The following TPGS2 variants were observed in gnomAD, a reference collection of about 807,000 sequenced individuals.
TPGS2 encodes the protein polyglutamylase subunit 2.
In TPGS2, 26 loss-of-function variants were observed where a neutral mutation model predicts 31.1. The ratio of observed to expected loss-of-function variants is 0.84; its 90% CI spans 0.61 to 1.16. The LOEUF is 1.16. Ranked by LOEUF, TPGS2 falls within the 50% of genes most tolerant of loss-of-function variation. TPGS2 has a pLI of 0.00. For missense variants in TPGS2, 351 were observed against 363.8 expected, an observed-to-expected ratio of 0.96 and a Z score of 0.29; for synonymous variants, 130 against 136.6, an observed-to-expected ratio of 0.95 and a Z score of 0.34.
intron 2 of TPGS2, among the ~76,000 whole-genome samples, chr18:36,817,404 T>C: frequency 6.6e-6 from 1 of 152,064 alleles, no homozygotes; most frequent in East Asian, 1.9e-4. Context: ...TTGGTAGCTA[T>C]GTGACTCAGA....
chr18:36,825,011 T>G (rs2046067506), intron 1 of TPGS2, among the ~76,000 whole-genome samples: 1 of 152,200 alleles, frequency 6.6e-6, no homozygotes, highest in Non-Finnish European at 1.5e-5. Flanking sequence ...CTAAGATACT[T>G]TTGGAGTTAA....
chr18:36,823,707 G>A (rs372884971), intron 1 of TPGS2: 37 of 343,216 alleles, frequency 1.1e-4, no homozygotes, highest in Admixed American at 1.3e-4. Flanking sequence ...TGATCTGCCC[G>A]CCTCGGCCTC....
chr18:36,795,874 A>G lies in TPGS2; in HGVS notation c.*931T>C. Reference sequence around the variant, plus strand: ...CAGAGCAGGTGGAAAGCTTCTGTTAACAGTGTCTGGCACCATTAAAACTCT... The same window carrying G: ...CAGAGCAGGTGGAAAGCTTCTGTTAGCAGTGTCTGGCACCATTAAAACTCT... On this transcript the variant is annotated 3_prime_UTR_variant, in exon 7 of 7. Transcript: ENST00000334295. 2 of 985,476 alleles carry G rather than the reference A, an allele frequency of 2.0e-6. No homozygotes were observed. Among genetic ancestry groups the G allele is most frequent in the Non-Finnish European group, 2.4e-6 (2 of 829,938 alleles). The allele number at this position is 985,476 out of a possible 1,614,324, so 61.0% of individuals were successfully genotyped here.
At chr18:36,801,390 G>A (rs1339943848) in intron 4 of TPGS2, among the ~76,000 whole-genome samples, 1 of 152,168 alleles carries the variant, frequency 6.6e-6, no homozygotes, top group Non-Finnish European at 1.5e-5. Context: ...GGAGTGCAGT[G>A]ACATGTGAAC....
chr18:36,797,153 G>A (rs1051568837), intron 6 of TPGS2, 103 bp from the exon 7 acceptor site: 1 of 1,550,100 alleles, frequency 6.5e-7, no homozygotes, highest in African/African-American at 1.4e-5. Flanking sequence ...GGAGGCAGAG[G>A]TACATTTTCA....
chr18:36,791,468 T>C (rs1327935609), downstream of TPGS2, among the ~76,000 whole-genome samples: 1 of 151,920 alleles, frequency 6.6e-6, no homozygotes, highest in Non-Finnish European at 1.5e-5. Context: ...AGCTGGACCT[T>C]GGGAGGAAAC....
intron 2 of TPGS2, among the ~76,000 whole-genome samples, chr18:36,814,022 G>A (rs2045547607): frequency 2.0e-5 from 3 of 152,090 alleles, no homozygotes; most frequent in Admixed American, 2.0e-4. Context: ...TAGAAAAACT[G>A]AGTCTGAAAA....
chr18:36,785,166 G>C (rs537177245), intron 6 of TPGS2, among the ~76,000 whole-genome samples: 2 of 152,236 alleles, frequency 1.3e-5, no homozygotes, highest in South Asian at 4.2e-4. Flanking sequence ...GGGCGTGGTG[G>C]CATGCACCTG....
intron 3 of TPGS2, 92 bp from the exon 4 acceptor site, chr18:36,805,594 G>A (rs1249907934): frequency 6.4e-7 from 1 of 1,550,438 alleles, no homozygotes; most frequent in Non-Finnish European, 8.8e-7. Context: ...CTAAGCCCAG[G>A]TATTGTTTCG....
At position 36,796,319 on chromosome 18, in the gene TPGS2, A is replaced by G; in HGVS notation, c.*486T>C. On this transcript the variant is annotated 3_prime_UTR_variant, in exon 7 of 7. Coordinates refer to ENST00000334295, the MANE Select transcript of TPGS2 (RefSeq NM_015476.4). Reference sequence around the variant, plus strand: ...TGGAAATGTTCCATATCTTTGTGCTAATACAGAATCTACCAGCCACATGAA... The same window carrying G: ...TGGAAATGTTCCATATCTTTGTGCTGATACAGAATCTACCAGCCACATGAA... The G allele has an allele frequency of 2.0e-6, 2 of 977,380 alleles. No individual in the cohort carries two copies. The highest frequency in any genetic ancestry group is 5.3e-4 in the Middle Eastern group (1 of 1,896). The allele number at this position is 977,380 out of a possible 1,614,324, so 60.5% of individuals were successfully genotyped here. A position where few individuals can be genotyped will look rare whatever the true frequency, so the allele number is the denominator to read the frequency against.
At chr18:36,807,290 C>T (rs1224266928) in intron 3 of TPGS2, among the ~76,000 whole-genome samples, 3 of 152,182 alleles carry the variant, frequency 2.0e-5, no homozygotes, top group East Asian at 1.9e-4. Context: ...TGAGTTCCCA[C>T]ATCCACACAA....
chr18:36,792,463 G>C (rs182881973), downstream of TPGS2, among the ~76,000 whole-genome samples: 103 of 152,216 alleles, frequency 6.8e-4, no homozygotes, highest in African/African-American at 2.4e-3. Flanking sequence ...AAACTAAAAA[G>C]GTCCCTTGGT....
At chr18:36,789,116 C>G (rs1396758512), downstream of TPGS2, 2 of 152,142 alleles carry the variant, frequency 1.3e-5, no homozygotes, top group African/African-American at 4.8e-5. Flanking sequence ...AAATGGGTAG[C>G]AGCAGGCTAA....
intron 2 of TPGS2, among the ~76,000 whole-genome samples, chr18:36,808,247 G>A (rs558286203): frequency 5.9e-5 from 9 of 152,250 alleles, no homozygotes; most frequent in Admixed American, 2.0e-4. Flanking sequence ...ATGGCAAGAG[G>A]GGAAGTCCTA....
chr18:36,809,012 T>C (rs1263962042), intron 2 of TPGS2, among the ~76,000 whole-genome samples: 4 of 152,180 alleles, frequency 2.6e-5, no homozygotes, highest in African/African-American at 7.2e-5. Context: ...GCTTGTGGCT[T>C]ACTGGACCCT....
At chr18:36,780,488 C>G (rs1456564344), downstream of TPGS2, among the ~76,000 whole-genome samples, 2 of 152,188 alleles carry the variant, frequency 1.3e-5, no homozygotes, top group African/African-American at 4.8e-5. Flanking sequence ...GTACAGAGAG[C>G]CTCAGAATCG....
chr18:36,787,676 A>C (rs146614282), intron 6 of TPGS2, among the ~76,000 whole-genome samples: 3 of 152,324 alleles, frequency 2.0e-5, no homozygotes, highest in Non-Finnish European at 4.4e-5. Context: ...TTTTACTGGA[A>C]CTCAGCACAC....
In TPGS2 at chr18:36,796,125, T is replaced by C. The variant is rs1216651426; in HGVS notation, c.*680A>G. On this transcript the variant is annotated 3_prime_UTR_variant, in exon 7 of 7. Coordinates refer to ENST00000334295, the MANE Select transcript of TPGS2 (RefSeq NM_015476.4). The stretch of plus-strand genomic sequence containing the variant: ...TGCAAAAGAAATGAGCAGAGCGAGA[T>C]ATTTGTGGTAAGGGATACAAAGAAC... 9 of 985,306 alleles carry C rather than the reference T, an allele frequency of 9.1e-6. No individual in the cohort carries two copies. Among genetic ancestry groups the C allele is most frequent in the Non-Finnish European group, 1.1e-5 (9 of 829,952 alleles). The allele number at this position is 985,306 out of a possible 1,614,324, so 61.0% of individuals were successfully genotyped here.
downstream of TPGS2, among the ~76,000 whole-genome samples, chr18:36,781,380 G>A (rs1165455687): frequency 1.3e-5 from 2 of 152,194 alleles, no homozygotes; most frequent in African/African-American, 4.8e-5. Flanking sequence ...TAGGCCGGGT[G>A]CGGTGGCTGA....
Sources: allele counts gnomAD v4.1 joint callset (sites outside exome capture counted in the v4.1 genomes callset), GRCh38; gene constraint gnomAD v4.1.1; transcripts MANE v1.5; gene names NCBI Gene and HGNC (gene_info 2026-07-23, HGNC 2026-07-21).